Variants in TRPC4 observed in about 807,000 individuals in gnomAD.
TRPC4 encodes the protein transient receptor potential cation channel subfamily C member 4.
A neutral mutation model predicts 99.4 loss-of-function variants in TRPC4; 49 were observed. The ratio of observed to expected loss-of-function variants is 0.49; its 90% confidence interval spans 0.39 to 0.63. TRPC4 has a LOEUF of 0.63. TRPC4 is among the 20% of genes least tolerant of loss of function. The pLI is 0.00. For synonymous variants in TRPC4, 454 were observed against 425.9 expected, an observed-to-expected ratio of 1.07 and a Z score of -0.81; for missense variants, 898 against 1,152.9, an observed-to-expected ratio of 0.78 and a Z score of 3.20.
chr13:37,829,534 T>C (rs189885691), intron 1 of TRPC4, among the ~76,000 whole-genome samples: 325 of 152,292 alleles, frequency 2.1e-3, no homozygotes, highest in Non-Finnish European at 3.9e-3. Context: ...GCTGGTTGGA[T>C]TGGGAACCAA....
intron 1 of TRPC4, among the ~76,000 whole-genome samples, chr13:37,844,269 T>C (rs908181026): frequency 2.0e-5 from 3 of 151,990 alleles, no homozygotes; most frequent in African/African-American, 7.2e-5. Context: ...ACAGGAAACA[T>C]GGTTCACAGG....
intron 1 of TRPC4, among the ~76,000 whole-genome samples, chr13:37,858,428 A>G (rs1959192158): frequency 6.6e-6 from 1 of 151,626 alleles, no homozygotes; most frequent in South Asian, 2.1e-4. Context: ...TGCAGGGTAT[A>G]TACCCAAAAT....
chr13:37,854,021 G>T (rs1038654182), intron 1 of TRPC4, among the ~76,000 whole-genome samples: 1 of 152,172 alleles, frequency 6.6e-6, no homozygotes, highest in Admixed American at 6.5e-5. Context: ...ATTCAAAGGG[G>T]TAATATCCAA....
intron 3 of TRPC4, among the ~76,000 whole-genome samples, chr13:37,738,237 A>C (rs1955462690): frequency 6.6e-6 from 1 of 152,192 alleles, no homozygotes; most frequent in African/African-American, 2.4e-5. Flanking sequence ...AGGAAATGGC[A>C]GGGTGGATAG....
At chr13:37,819,152 G>A (rs1458838807) in intron 1 of TRPC4, among the ~76,000 whole-genome samples, 1 of 151,900 alleles carries the variant, frequency 6.6e-6, no homozygotes, top group Non-Finnish European at 1.5e-5. Context: ...CCATCAGAAT[G>A]GCTATTATTA....
At chr13:37,866,170 T>C (rs892590275) in intron 1 of TRPC4, among the ~76,000 whole-genome samples, 1 of 151,802 alleles carries the variant, frequency 6.6e-6, no homozygotes, top group East Asian at 1.9e-4. Flanking sequence ...GTGTGCTAGA[T>C]AAAGCTATCA....
chr13:37,745,460 AT>A (rs1955725150), intron 3 of TRPC4, among the ~76,000 whole-genome samples: 1 of 4,928 alleles, frequency 2.0e-4, no homozygotes, highest in African/African-American at 4.3e-4. Context: ...ATATATATAT[AT>A]ATATATATAT....
At chr13:37,862,921 G>C (rs1428551176) in intron 1 of TRPC4, among the ~76,000 whole-genome samples, 1 of 151,406 alleles carries the variant, frequency 6.6e-6, no homozygotes, top group African/African-American at 2.4e-5. Flanking sequence ...ATACATGACG[G>C]TGGGCCCATA....
intron 2 of TRPC4, among the ~76,000 whole-genome samples, chr13:37,757,128 T>C (rs1956118032): frequency 6.6e-6 from 1 of 152,040 alleles, no homozygotes; most frequent in Admixed American, 6.6e-5. Context: ...TGCCTATTAG[T>C]ACATTAAATA....
At chr13:37,725,943 A>T (rs1955040258) in intron 3 of TRPC4, among the ~76,000 whole-genome samples, 1 of 152,180 alleles carries the variant, frequency 6.6e-6, no homozygotes, top group Non-Finnish European at 1.5e-5. Flanking sequence ...CACACCTGTA[A>T]TTCCAGCACT....
In TRPC4 at chr13:37,746,279, T is replaced by A. The variant is rs1477991333; in HGVS notation, c.555A>T (p.Ser185=). 1.2e-6 allele frequency: 2 copies of A among 1,613,764 alleles called. No individual in the cohort carries two copies. The highest frequency in any genetic ancestry group is 1.7e-6 in the Non-Finnish European group (2 of 1,179,890). The change falls in exon 3 of 11, where the codon TCA becomes TCT. Residue 185 remains serine, a synonymous_variant. Coordinates refer to ENST00000379705, the MANE Select transcript of TRPC4 (RefSeq NM_016179.4). ...RCNCVECVSS[S]DVDSLRHSRS... ...GTGAGTGACGGAGGCTGTCCACATC[T>A]GAACTGGACACGCATTCCACACAGT...
At chr13:37,844,230 C>T (rs1958820224) in intron 1 of TRPC4, among the ~76,000 whole-genome samples, 2 of 152,074 alleles carry the variant, frequency 1.3e-5, no homozygotes. Context: ...TGGTGTCAAA[C>T]CAGAGAGACT....
intron 1 of TRPC4, among the ~76,000 whole-genome samples, chr13:37,839,735 C>G (rs1958680812): frequency 6.6e-6 from 1 of 152,134 alleles, no homozygotes; most frequent in South Asian, 2.1e-4. Context: ...GATCAAGATT[C>G]AAACTGGAAT....
At chr13:37,648,068 G>A (rs1306095770) in intron 8 of TRPC4, among the ~76,000 whole-genome samples, 3 of 151,948 alleles carry the variant, frequency 2.0e-5, no homozygotes, top group African/African-American at 7.3e-5. Context: ...TCAGCCTCCT[G>A]AGTAGCTGGG....
At chr13:37,679,119 G>T (rs1353019000) in intron 4 of TRPC4, among the ~76,000 whole-genome samples, 2 of 152,054 alleles carry the variant, frequency 1.3e-5, no homozygotes, top group Non-Finnish European at 2.9e-5. Flanking sequence ...CTACTTTTCT[G>T]TAAAGGGCCA....
intron 1 of TRPC4, among the ~76,000 whole-genome samples, chr13:37,832,380 A>G (rs1958446763): frequency 6.6e-6 from 1 of 152,178 alleles, no homozygotes; most frequent in East Asian, 1.9e-4. Flanking sequence ...TGACTCTACT[A>G]AAAATAAAAA....
intron 1 of TRPC4, among the ~76,000 whole-genome samples, chr13:37,856,675 C>G (rs928253514): frequency 6.6e-6 from 1 of 151,626 alleles, no homozygotes; most frequent in Admixed American, 6.6e-5. Flanking sequence ...TTAGAAAGGT[C>G]ATTCATCATG....
At chr13:37,781,831 C>T (rs1049999523) in intron 2 of TRPC4, among the ~76,000 whole-genome samples, 1 of 152,018 alleles carries the variant, frequency 6.6e-6, no homozygotes, top group South Asian at 2.1e-4. Context: ...CTTTTCCCAG[C>T]AGACAGGGAC....
rs796977673 is a variant in TRPC4 at position 37,706,628 on chromosome 13, CT to C, written c.898-14294del. ...TATCTCCTAATGCTACCCCTCCCCC[CT>C]ACCCCCACCCCACAACAGGCCCCGG... On this transcript the variant is annotated intron_variant, in intron 3 of 10. Coordinates refer to ENST00000379705, the MANE Select transcript of TRPC4 (RefSeq NM_016179.4). 1.8e-4 allele frequency among the ~76,000 whole-genome samples: 27 copies of C among 150,852 alleles called. 1 individual carries two copies. Among genetic ancestry groups the C allele is most frequent in the African/African-American group, 6.1e-4 (25 of 40,870 alleles).
Sources: allele counts gnomAD v4.1 joint callset (sites outside exome capture counted in the v4.1 genomes callset), GRCh38; gene constraint gnomAD v4.1.1; transcripts MANE v1.5; gene names NCBI Gene and HGNC (gene_info 2026-07-23, HGNC 2026-07-21).